Variants in KIF3A observed in about 807,000 individuals in gnomAD.
KIF3A encodes the protein kinesin family member 3A.
In KIF3A, 27 loss-of-function variants were observed where a neutral mutation model predicts 92.6. That is an observed-to-expected ratio of 0.29 (90% CI 0.21 to 0.40). The LOEUF (loss-of-function observed/expected upper bound fraction) is 0.40, where lower values mean the gene tolerates loss of function less well. Ranked by LOEUF, KIF3A falls within the 10% of genes least tolerant of loss-of-function variation. The pLI, the probability that KIF3A is intolerant of heterozygous loss-of-function variation, is 1.00. For missense variants in KIF3A, 581 were observed against 872.6 expected (o/e 0.67, Z 4.21); for synonymous variants, 250 against 275.4 (o/e 0.91, Z 0.92).
At chr5:132,724,826 T>A (rs1418064322) in intron 4 of KIF3A, among the ~76,000 whole-genome samples, 29 of 17,328 alleles carry the variant, frequency 1.7e-3, no homozygotes, top group African/African-American at 2.4e-3. Flanking sequence ...TATATATATA[T>A]ATATATATAT....
chr5:132,708,514 TC>T (rs1391661466), intron 10 of KIF3A, among the ~76,000 whole-genome samples: 1 of 152,200 alleles, frequency 6.6e-6, no homozygotes, highest in Non-Finnish European at 1.5e-5. Flanking sequence ...CTGGTGTACT[TC>T]AAATATAATT....
At chr5:132,703,272 C>T (rs147071776) in intron 12 of KIF3A, among the ~76,000 whole-genome samples, 191 bp downstream of exon 12, 6 of 152,084 alleles carry the variant, frequency 3.9e-5, no homozygotes, top group South Asian at 4.1e-4. Context: ...TCCTATCACA[C>T]GGAAATAAAA....
chr5:132,729,007 T>G (rs1754134881), intron 2 of KIF3A, among the ~76,000 whole-genome samples: 1 of 152,124 alleles, frequency 6.6e-6, no homozygotes, highest in Admixed American at 6.6e-5. Flanking sequence ...AGACTATTAT[T>G]CTAAGAGAAG....
chr5:132,702,801 T>C, intron 13 of KIF3A, 84 bp downstream of exon 13: 1 of 1,401,182 alleles, frequency 7.1e-7, no homozygotes, highest in Admixed American at 1.9e-5. Context: ...AAAATTTCAA[T>C]ACGATTATAG....
At chr5:132,703,776 T>C in intron 11 of KIF3A, 157 bp from the exon 12 acceptor site, 1 of 573,582 alleles carries the variant, frequency 1.7e-6, no homozygotes, top group Non-Finnish European at 3.0e-6. Context: ...ATCATGCATT[T>C]CCATTTATTA....
chr5:132,708,296 AAAAAG>A (rs1164908228), intron 10 of KIF3A, among the ~76,000 whole-genome samples: 1 of 151,982 alleles, frequency 6.6e-6, no homozygotes, highest in African/African-American at 2.4e-5. Flanking sequence ...AAAAAAAAAA[AAAAAG>A]AAAGAACTTT....
chr5:132,700,200 T>C lies in KIF3A; in HGVS notation c.2007+16A>G, dbSNP rs760002193. 3 of 1,456,100 alleles carry C rather than the reference T, an allele frequency of 2.1e-6. No individual in the cohort carries two copies. In the South Asian group the frequency reaches 3.6e-5, roughly 18 times the overall value. 90.2% of individuals were successfully genotyped at this position (1,456,100 alleles called of 1,614,324 possible). On this transcript the variant is annotated intron_variant, in intron 17 of 18. Coordinates refer to ENST00000403231, the MANE Select transcript of KIF3A (RefSeq NM_001300791.2). Reference sequence around the variant, plus strand: ...TAGTTTTGTGTTTTGTTTTGTTTTTTTTTAAGTACTCTTACATCTTTCTCC... The same window carrying C: ...TAGTTTTGTGTTTTGTTTTGTTTTTCTTTAAGTACTCTTACATCTTTCTCC...
In KIF3A at chr5:132,715,838, T is replaced by C; in HGVS notation, c.1048A>G (p.Arg350Gly). The part of the protein sequence containing the change: ...NRAKNIKNKA[R>G]INEDPKDALL... The stretch of plus-strand genomic sequence containing the variant: ...GCATCCTTTGGATCTTCATTAATTC[T>C]AGCTTTATTTTTAATATTCTTAGCA... The change falls in exon 8 of 19, where the codon AGA (arginine) becomes GGA (glycine). Residue 350 changes from arginine (R) to glycine (G), a missense_variant. Arg to Gly is a moderately radical substitution (Grantham distance 125). Transcript: ENST00000403231. 1.2e-6 allele frequency: 2 copies of C among 1,610,890 alleles called. No homozygotes were observed. Among genetic ancestry groups the C allele is most frequent in the African/African-American group, 1.3e-5 (1 of 74,980 alleles).
At position 132,699,223 on chromosome 5, in the gene KIF3A, G is replaced by A; in HGVS notation, c.2080C>T (p.Leu694=). The A allele has an allele frequency of 1.2e-5, 19 of 1,613,892 alleles. No individual in the cohort carries two copies. The highest frequency in any genetic ancestry group is 1.6e-5 in the Non-Finnish European group (19 of 1,179,858). Residue 694 remains leucine (L), a synonymous_variant, in exon 18 of 19, where the codon CTA becomes TTA. Transcript: ENST00000403231. ...EESLRQSLMK[L]ERPRTSKGKA... is the part of the protein sequence containing the mutation. ...CCCTTTGAAGTTCGTGGTCTTTCTA[G>A]TTTCATCAAAGACTGACGCAGACTC... is the stretch of plus-strand genomic sequence containing the variant.
intron 8 of KIF3A, among the ~76,000 whole-genome samples, chr5:132,714,615 G>A (rs1581081320): frequency 6.6e-6 from 1 of 152,244 alleles, no homozygotes; most frequent in South Asian, 2.1e-4. Context: ...ACCAGAGACT[G>A]GGGGAGAAAA....
At chr5:132,737,002 T>C (rs964630090) in intron 1 of KIF3A, 7 of 336,542 alleles carry the variant, frequency 2.1e-5, no homozygotes, top group African/African-American at 1.1e-4. Flanking sequence ...GCAGGCAGCC[T>C]TCGCTCCGCT....
At chr5:132,736,314 T>C (rs1191574087) in intron 1 of KIF3A, among the ~76,000 whole-genome samples, 1 of 152,198 alleles carries the variant, frequency 6.6e-6, no homozygotes, top group Non-Finnish European at 1.5e-5. Flanking sequence ...AGTCTCTTCT[T>C]GGGAGGAAAA....
chr5:132,702,679 A>G lies in KIF3A; in HGVS notation c.1648-11T>C. ...ATCCAAGCGTTCTTGCTATGACAAA[A>G]ATTAGTAAACTTCAGAATAAATTTC... On this transcript the variant is annotated splice_polypyrimidine_tract_variant and intron_variant, in intron 13 of 18. Transcript: ENST00000403231. The G allele has an allele frequency of 6.4e-7, 1 of 1,552,236 alleles. No individual in the cohort carries two copies. Among genetic ancestry groups the G allele is most frequent in the South Asian group, 1.2e-5 (1 of 86,144 alleles).
intron 2 of KIF3A, 25 bp from the exon 3 acceptor site, chr5:132,726,523 T>C (rs1348373208): frequency 6.2e-7 from 1 of 1,605,412 alleles, no homozygotes. Flanking sequence ...GAGAATCAGT[T>C]ACTTCTTAAA....
At chr5:132,718,329 A>G (rs1753704846) in intron 5 of KIF3A, among the ~76,000 whole-genome samples, 1 of 152,156 alleles carries the variant, frequency 6.6e-6, no homozygotes, top group Admixed American at 6.6e-5. Context: ...GTTTTGTTTG[A>G]GACAGGGTCT....
rs1752701839 is a variant in KIF3A, at chr5:132,692,827, AT to A, written c.*3806del. The A allele has an allele frequency of 6.5e-6, 1 of 152,774 alleles. No homozygotes were observed. The highest frequency in any genetic ancestry group is 1.5e-5 in the Non-Finnish European group (1 of 68,048). 9.5% of individuals were successfully genotyped at this position (152,774 alleles called of 1,614,324 possible). A position where few individuals can be genotyped will look rare whatever the true frequency, so the allele number is the denominator to read the frequency against. ...TAATGCTACTGAAGTTATTCATTAA[AT>A]TAGTCAGACTACAGTATAAGTTCAA... On this transcript the variant is annotated 3_prime_UTR_variant, in exon 19 of 19. Transcript: ENST00000403231.
At chr5:132,703,248 T>A (rs1753102895) in intron 12 of KIF3A, among the ~76,000 whole-genome samples, 183 bp from the exon 13 acceptor site, 1 of 152,168 alleles carries the variant, frequency 6.6e-6, no homozygotes, top group Non-Finnish European at 1.5e-5. Context: ...TCATTCTAAT[T>A]CATTGATATG....
chr5:132,726,013 G>A (rs555350805), intron 4 of KIF3A, 115 bp downstream of exon 4: 27 of 649,146 alleles, frequency 4.2e-5, no homozygotes, highest in South Asian at 4.1e-4. Context: ...ATATATGTAC[G>A]AGATTATTTA....
At chr5:132,732,384 C>G (rs920035544) in intron 2 of KIF3A, among the ~76,000 whole-genome samples, 4 of 152,204 alleles carry the variant, frequency 2.6e-5, no homozygotes, top group Non-Finnish European at 4.4e-5. Flanking sequence ...GTAACATTAT[C>G]TGTAATAGCT....
Sources: allele counts gnomAD v4.1 joint callset (sites outside exome capture counted in the v4.1 genomes callset), GRCh38; gene constraint gnomAD v4.1.1; transcripts MANE v1.5; gene names NCBI Gene and HGNC (gene_info 2026-07-23, HGNC 2026-07-21).